ROBO2: variants seen among roughly 807,000 people sequenced by gnomAD.
ROBO2 encodes the protein roundabout guidance receptor 2.
In ROBO2, 53 loss-of-function variants were observed where a neutral mutation model predicts 160.8. The observed-to-expected ratio is 0.33, with a 90% CI of 0.26 to 0.41. The LOEUF is 0.41. ROBO2 is among the 10% of genes least tolerant of loss of function. ROBO2 has a pLI of 1.00. For missense variants in ROBO2, 1,577 were observed against 1,722.4 expected, an observed-to-expected ratio of 0.92 and a Z score of 1.49; for synonymous variants, 664 against 611.7, an observed-to-expected ratio of 1.09 and a Z score of -1.26.
intron 2 of ROBO2, among the ~76,000 whole-genome samples, chr3:76,346,003 G>A (rs1178660243): frequency 6.6e-6 from 1 of 151,940 alleles, no homozygotes; most frequent in Non-Finnish European, 1.5e-5. Context: ...CAGAAGGCAG[G>A]CTCTATGGGG....
At chr3:77,286,084 C>T (rs982615184) in intron 2 of ROBO2, among the ~76,000 whole-genome samples, 17 of 151,996 alleles carry the variant, frequency 1.1e-4, no homozygotes, top group African/African-American at 3.1e-4. Context: ...GAATAATCTG[C>T]GCATATGCAT....
chr3:77,618,959 GT>G (rs1488740053), intron 22 of ROBO2, among the ~76,000 whole-genome samples: 1 of 152,170 alleles, frequency 6.6e-6, no homozygotes, highest in Non-Finnish European at 1.5e-5. Context: ...AAGCAATGCA[GT>G]TTGGTCATCT....
At chr3:75,975,265 T>A (rs1287287964) in intron 2 of ROBO2, among the ~76,000 whole-genome samples, 1 of 151,446 alleles carries the variant, frequency 6.6e-6, no homozygotes, top group Non-Finnish European at 1.5e-5. Flanking sequence ...TTTGTACCAA[T>A]TTAATAGTTT....
intron 2 of ROBO2, among the ~76,000 whole-genome samples, chr3:75,944,059 T>C (rs1255275011): frequency 6.6e-6 from 1 of 152,068 alleles, no homozygotes; most frequent in Non-Finnish European, 1.5e-5. Context: ...TGTTTAAAAT[T>C]AATCTGTATA....
At chr3:77,575,442 G>T (rs1224833683) in intron 14 of ROBO2, among the ~76,000 whole-genome samples, 2 of 151,934 alleles carry the variant, frequency 1.3e-5, no homozygotes, top group Non-Finnish European at 2.9e-5. Flanking sequence ...CTTGTAAAAA[G>T]CCCTTTCTTT....
intron 2 of ROBO2, among the ~76,000 whole-genome samples, chr3:76,624,240 C>G (rs1004810059): frequency 6.6e-6 from 1 of 151,888 alleles, no homozygotes; most frequent in African/African-American, 2.4e-5. Context: ...TTACCTTTAC[C>G]ACACGTTTTT....
chr3:76,738,447 C>T (rs1052386882), intron 2 of ROBO2, among the ~76,000 whole-genome samples: 3 of 152,230 alleles, frequency 2.0e-5, no homozygotes, highest in Non-Finnish European at 2.9e-5. Flanking sequence ...ACTAGATTCC[C>T]GACCTCAGTT....
intron 2 of ROBO2, among the ~76,000 whole-genome samples, chr3:76,335,326 G>T (rs991493949): frequency 1.7e-4 from 26 of 151,234 alleles, no homozygotes; most frequent in African/African-American, 6.3e-4. Flanking sequence ...GATTACAGGT[G>T]TGTGCCACCA....
rs541270567 is a variant in ROBO2, at chr3:75,960,300, CAA to C, written c.109+22699_109+22700del. ...AGAAAACTTAACATTTCACAATGCT[CAA>C]GTTGTTATCTATGAGTAGTTAAGTT... On this transcript the variant is annotated intron_variant, in intron 2 of 26. Coordinates refer to the ROBO2 transcript ENST00000487694. Among the ~76,000 whole-genome samples, 17 of 151,840 alleles carry C rather than the reference CAA, an allele frequency of 1.1e-4. No homozygotes were observed. The East Asian group carries it at 2.9e-3, about 26-fold the overall frequency.
At chr3:76,315,695 A>G (rs1249082072) in intron 2 of ROBO2, among the ~76,000 whole-genome samples, 1 of 152,190 alleles carries the variant, frequency 6.6e-6, no homozygotes, top group East Asian at 1.9e-4. Context: ...CCCTAGTTAT[A>G]TGAACTAATA....
intron 2 of ROBO2, among the ~76,000 whole-genome samples, chr3:77,354,897 C>T (rs1017480471): frequency 2.0e-5 from 3 of 152,152 alleles, no homozygotes; most frequent in Non-Finnish European, 2.9e-5. Context: ...CATAATAAGA[C>T]GTTGCATCCC....
intron 2 of ROBO2, among the ~76,000 whole-genome samples, chr3:76,793,598 T>C (rs1275114697): frequency 6.6e-6 from 1 of 151,852 alleles, no homozygotes; most frequent in Non-Finnish European, 1.5e-5. Flanking sequence ...ATTCTTTTTT[T>C]TTCTTTTATT....
chr3:77,128,272 A>C (rs1012005151), intron 2 of ROBO2, among the ~76,000 whole-genome samples: 3 of 152,132 alleles, frequency 2.0e-5, no homozygotes, highest in African/African-American at 4.8e-5. Flanking sequence ...AACCTATATG[A>C]ATGTAAACAC....
rs527284861 is a variant in ROBO2 at position 76,119,785 on chromosome 3, G to A, written c.109+182183G>A. On this transcript the variant is annotated intron_variant, in intron 2 of 26. Coordinates refer to the ROBO2 transcript ENST00000487694. ...TTGAGCAGGTCTCATCAGTCATAGAGTATTAGAACAGGAGTTTTCAAAGAC... is the reference window on the plus strand; with the variant it reads ...TTGAGCAGGTCTCATCAGTCATAGAATATTAGAACAGGAGTTTTCAAAGAC... Among the ~76,000 whole-genome samples, 21 of 152,092 alleles carry A rather than the reference G, an allele frequency of 1.4e-4. No individual in the cohort carries two copies. The South Asian group carries it at 3.9e-3, about 29-fold the overall frequency.
At chr3:77,258,249 C>T (rs1045076450) in intron 2 of ROBO2, among the ~76,000 whole-genome samples, 1 of 152,180 alleles carries the variant, frequency 6.6e-6, no homozygotes, top group African/African-American at 2.4e-5. Context: ...TTTAGGTCAA[C>T]ACTCAAGTTA....
intron 2 of ROBO2, among the ~76,000 whole-genome samples, chr3:76,184,907 T>C (rs568697737): frequency 1.3e-5 from 2 of 152,042 alleles, no homozygotes; most frequent in Admixed American, 6.6e-5. Flanking sequence ...GTTTTTGTTG[T>C]CTCTGCATCC....
intron 2 of ROBO2, among the ~76,000 whole-genome samples, chr3:76,132,282 C>T (rs1199683918): frequency 6.6e-6 from 1 of 151,314 alleles, no homozygotes; most frequent in Non-Finnish European, 1.5e-5. Context: ...TGCTACAGGG[C>T]AGCTCTTTGC....
chr3:76,338,790 T>G (rs965693493), intron 2 of ROBO2, among the ~76,000 whole-genome samples: 7 of 151,438 alleles, frequency 4.6e-5, no homozygotes, highest in Admixed American at 4.0e-4. Flanking sequence ...ATTTGATTAA[T>G]AAACATAATG....
chr3:76,286,717 T>C (rs1708523760), intron 2 of ROBO2, among the ~76,000 whole-genome samples: 2 of 152,160 alleles, frequency 1.3e-5, no homozygotes, highest in Non-Finnish European at 2.9e-5. Flanking sequence ...TGTAAAAATA[T>C]AATTTAGGAA....
Sources: gnomAD v4.1 joint callset for allele counts (sites outside exome capture counted in the v4.1 genomes callset) on GRCh38, gnomAD v4.1.1 for gene constraint, MANE v1.5 for transcripts, NCBI Gene and HGNC (gene_info 2026-07-23, HGNC 2026-07-21) for gene names.